The following SLC44A3 variants were observed in gnomAD, a reference collection of about 807,000 sequenced individuals.
The protein encoded by SLC44A3 is choline transporter-like protein 3.
In SLC44A3, 74 loss-of-function variants were observed where a neutral mutation model predicts 75.4. The ratio of observed to expected loss-of-function variants is 0.98; its 90% confidence interval spans 0.81 to 1.19. The LOEUF (loss-of-function observed/expected upper bound fraction) is 1.19, where lower values mean the gene tolerates loss of function less well. SLC44A3 is among the 50% of genes most tolerant of loss of function. The pLI is 0.00. For synonymous variants in SLC44A3, 310 were observed against 296.9 expected, an observed-to-expected ratio of 1.04 and a Z score of -0.45; for missense variants, 700 against 778.6, an observed-to-expected ratio of 0.90 and a Z score of 1.20.
intron 12 of SLC44A3, among the ~76,000 whole-genome samples, chr1:94,882,845 C>A (rs1270460366): frequency 1.3e-5 from 2 of 150,392 alleles, no homozygotes; most frequent in African/African-American, 2.5e-5. Flanking sequence ...CTGGTCACAG[C>A]CTGTCGAGAT....
chr1:94,849,280 A>G (rs761506991), intron 9 of SLC44A3, among the ~76,000 whole-genome samples: 2 of 152,182 alleles, frequency 1.3e-5, no homozygotes, highest in African/African-American at 2.4e-5. Flanking sequence ...CCCCGGACCT[A>G]TGGGAGGCAT....
intron 9 of SLC44A3, among the ~76,000 whole-genome samples, chr1:94,851,746 T>A (rs576802911): frequency 2.0e-5 from 3 of 152,212 alleles, no homozygotes; most frequent in Non-Finnish European, 2.9e-5. Flanking sequence ...GCAGGATGAA[T>A]GTCAGCAGGC....
chr1:94,888,351 T>G (rs1245647116), intron 12 of SLC44A3, among the ~76,000 whole-genome samples: 1 of 152,252 alleles, frequency 6.6e-6, no homozygotes, highest in Non-Finnish European at 1.5e-5. Context: ...GAAATGCCCT[T>G]GATCTTGGTT....
intron 12 of SLC44A3, chr1:94,889,235 T>A (rs58515093): frequency 2.6e-5 from 4 of 152,168 alleles, no homozygotes; most frequent in African/African-American, 9.7e-5. Flanking sequence ...TGCAGTAGAC[T>A]CCACACTGAT....
intron 10 of SLC44A3, among the ~76,000 whole-genome samples, chr1:94,859,400 C>A (rs1666302132): frequency 7.3e-6 from 1 of 137,788 alleles, no homozygotes; most frequent in South Asian, 2.7e-4. Flanking sequence ...AAACACCAAC[C>A]AAATGGTGAG....
intron 12 of SLC44A3, among the ~76,000 whole-genome samples, chr1:94,875,263 C>T (rs1399698839): frequency 6.6e-6 from 1 of 152,214 alleles, no homozygotes; most frequent in Non-Finnish European, 1.5e-5. Flanking sequence ...ACCACAGAAA[C>T]CCAAAGCCAG....
chr1:94,825,723 A>G, intron 3 of SLC44A3: 2 of 390,842 alleles, frequency 5.1e-6, no homozygotes, highest in South Asian at 3.7e-5. Context: ...GGAGTCACCA[A>G]ATACAAATCT....
chr1:94,890,451 C>G (rs1670083986), intron 12 of SLC44A3, among the ~76,000 whole-genome samples: 1 of 152,120 alleles, frequency 6.6e-6, no homozygotes, highest in South Asian at 2.1e-4. Context: ...TTTGCAAAAC[C>G]CTAGTAATTT....
At chr1:94,873,070 GATAA>G (rs1162147087) in intron 12 of SLC44A3, among the ~76,000 whole-genome samples, 4 of 152,154 alleles carry the variant, frequency 2.6e-5, no homozygotes, top group Non-Finnish European at 5.9e-5. Context: ...AACATATAGT[GATAA>G]ATAAAATAAC....
intron 12 of SLC44A3, among the ~76,000 whole-genome samples, chr1:94,876,758 C>T (rs1339201384): frequency 6.6e-6 from 1 of 152,210 alleles, no homozygotes; most frequent in African/African-American, 2.4e-5. Flanking sequence ...GATACTGTAT[C>T]ATGTCTCTCA....
intron 8 of SLC44A3, among the ~76,000 whole-genome samples, chr1:94,842,687 G>A (rs1043164854): frequency 2.0e-5 from 3 of 152,208 alleles, no homozygotes; most frequent in African/African-American, 7.2e-5. Flanking sequence ...CCCTCTCCAG[G>A]GGCCGTTAGG....
chr1:94,859,506 A>AG (rs2101322986), intron 10 of SLC44A3, among the ~76,000 whole-genome samples: 2 of 152,366 alleles, frequency 1.3e-5, no homozygotes, highest in South Asian at 4.1e-4. Flanking sequence ...AGGACAAATA[A>AG]GATGCAGCCT....
intron 5 of SLC44A3, among the ~76,000 whole-genome samples, chr1:94,830,992 G>T (rs1463256567): frequency 6.6e-6 from 1 of 152,164 alleles, no homozygotes; most frequent in African/African-American, 2.4e-5. Flanking sequence ...ATGCAGAGAG[G>T]TTTAAGTTCA....
chr1:94,820,586 G>C, intron 1 of SLC44A3, 108 bp downstream of exon 1: 1 of 1,426,362 alleles, frequency 7.0e-7, no homozygotes, highest in Non-Finnish European at 9.2e-7. Flanking sequence ...CCCGCGCCTC[G>C]GGGATCCCGC....
At chr1:94,841,106 T>G (rs1159004967) in intron 7 of SLC44A3, among the ~76,000 whole-genome samples, 1 of 152,222 alleles carries the variant, frequency 6.6e-6, no homozygotes, top group Non-Finnish European at 1.5e-5. Context: ...TATAACCTAT[T>G]ACTCCTAGGC....
chr1:94,857,934 C>G (rs1666107048), intron 10 of SLC44A3, among the ~76,000 whole-genome samples: 2 of 151,048 alleles, frequency 1.3e-5, no homozygotes, highest in South Asian at 4.2e-4. Flanking sequence ...CTGCCTCAGC[C>G]TCCCAAGTAG....
chr1:94,887,815 C>G (rs529525188), intron 12 of SLC44A3, among the ~76,000 whole-genome samples: 1 of 152,048 alleles, frequency 6.6e-6, no homozygotes. Context: ...TGCTGTAAGA[C>G]GATGCTGGGG....
chr1:94,855,235 C>T (rs1267454105), intron 9 of SLC44A3: 2 of 152,226 alleles, frequency 1.3e-5, no homozygotes, highest in African/African-American at 4.8e-5. Context: ...TCCTGTAGGA[C>T]ATACTTACCT....
intron 9 of SLC44A3, among the ~76,000 whole-genome samples, chr1:94,849,100 G>A (rs564238036): frequency 1.3e-5 from 2 of 152,142 alleles, no homozygotes; most frequent in Admixed American, 1.3e-4. Flanking sequence ...TGGGCCCAGG[G>A]CTTAGTAGCC....
Sources: allele counts gnomAD v4.1 joint callset (sites outside exome capture counted in the v4.1 genomes callset), GRCh38; gene constraint gnomAD v4.1.1; transcripts MANE v1.5; gene names NCBI Gene and HGNC (gene_info 2026-07-23, HGNC 2026-07-21).